The following CFAP210 variants were observed in gnomAD, a reference collection of about 807,000 sequenced individuals.
CFAP210 encodes cilia and flagella associated protein 210.
At chr2:169,662,942 C>T in the CFAP210 span, among the ~76,000 whole-genome samples, 1 of 152,218 alleles carries the variant, frequency 6.6e-6, no homozygotes, top group East Asian at 1.9e-4. Flanking sequence ...TTGTGAGCCT[C>T]CCTGGCTATC....
chr2:169,691,227 G>A, the CFAP210 span, among the ~76,000 whole-genome samples: 1 of 151,804 alleles, frequency 6.6e-6, no homozygotes, highest in Non-Finnish European at 1.5e-5. Flanking sequence ...TTCAGTTATT[G>A]TGCTTTTCAA....
chr2:169,656,387 A>ATGAAGT, the CFAP210 span, among the ~76,000 whole-genome samples: 1 of 149,528 alleles, frequency 6.7e-6, no homozygotes, highest in Non-Finnish European at 1.5e-5. Flanking sequence ...AAAGAGGAGG[A>ATGAAGT]AGAGGAGGAG....
At chr2:169,650,607 T>C in the CFAP210 span, 4 of 1,354,256 alleles carry the variant, frequency 3.0e-6, no homozygotes, top group Middle Eastern at 2.6e-4. Flanking sequence ...ATCTGAGATA[T>C]TTTGCAGTCT....
At chr2:169,670,066 C>CT in the CFAP210 span, among the ~76,000 whole-genome samples, 5 of 151,798 alleles carry the variant, frequency 3.3e-5, no homozygotes, top group East Asian at 7.7e-4. Context: ...ACCATTTTTT[C>CT]TTTTTTTGTG....
At chr2:169,661,069 G>T in the CFAP210 span, 1 of 534,140 alleles carries the variant, frequency 1.9e-6, no homozygotes. Context: ...ATGCTGGGTG[G>T]GAGAATATGG....
chr2:169,677,554 T>C, the CFAP210 span, among the ~76,000 whole-genome samples: 1 of 152,214 alleles, frequency 6.6e-6, no homozygotes, highest in African/African-American at 2.4e-5. Flanking sequence ...AATTTCGATA[T>C]AGAAGGCAAC....
the CFAP210 span, chr2:169,645,647 A>G: frequency 1.8e-6 from 1 of 545,450 alleles, no homozygotes; most frequent in South Asian, 2.5e-5. Context: ...AAACTTGTGT[A>G]TTTTACCACA....
chr2:169,681,144 C>T, the CFAP210 span: 4 of 1,613,524 alleles, frequency 2.5e-6, no homozygotes, highest in South Asian at 2.2e-5. Flanking sequence ...TTCCACTCAT[C>T]GTGTGGAATT....
chr2:169,689,161 T>A, the CFAP210 span, among the ~76,000 whole-genome samples: 61,975 of 152,026 alleles, frequency 0.41, 12,915 homozygotes, highest in Non-Finnish European at 0.44. Flanking sequence ...CATGATTCAA[T>A]TATCTCCCCC....
At chr2:169,672,535 A>G in the CFAP210 span, among the ~76,000 whole-genome samples, 152,157 of 152,344 alleles carry the variant, frequency 1, 75,986 homozygotes, top group Middle Eastern at 1. Context: ...CCAAAGGCCC[A>G]AGAGCCCCCA....
the CFAP210 span, chr2:169,650,641 A>G: frequency 4.2e-6 from 5 of 1,193,644 alleles, no homozygotes; most frequent in Non-Finnish European, 5.5e-6. Flanking sequence ...CAGGAGCCCC[A>G]TTGCTCCTTA....
chr2:169,661,812 T>A, the CFAP210 span, among the ~76,000 whole-genome samples: 1 of 152,222 alleles, frequency 6.6e-6, no homozygotes, highest in East Asian at 1.9e-4. Context: ...CACTTTTTTT[T>A]AAATATTAAA....
At chr2:169,645,635 G>A in the CFAP210 span, 1 of 521,430 alleles carries the variant, frequency 1.9e-6, no homozygotes, top group Non-Finnish European at 3.4e-6. Context: ...CATTTAAAAA[G>A]TAAACTTGTG....
chr2:169,668,333 G>T, the CFAP210 span, among the ~76,000 whole-genome samples: 1 of 152,168 alleles, frequency 6.6e-6, no homozygotes, highest in South Asian at 2.1e-4. Flanking sequence ...GGGCTGGTTT[G>T]AGCTTCTATC....
At chr2:169,650,456 T>C in the CFAP210 span, 4 of 1,605,884 alleles carry the variant, frequency 2.5e-6, no homozygotes, top group Non-Finnish European at 3.4e-6. Context: ...ATCTTCATTG[T>C]CAAGTTTCTC....
the CFAP210 span, among the ~76,000 whole-genome samples, chr2:169,687,537 A>G: frequency 6.6e-6 from 1 of 152,194 alleles, no homozygotes; most frequent in Non-Finnish European, 1.5e-5. Context: ...AAGCTCCAAA[A>G]TGATCTCCTT....
At chr2:169,679,728 CTTT>C in the CFAP210 span, among the ~76,000 whole-genome samples, 1 of 145,094 alleles carries the variant, frequency 6.9e-6, no homozygotes, top group African/African-American at 2.5e-5. Context: ...CTGTTACCTT[CTTT>C]GTGTCCATGT....
At chr2:169,667,616 GACGTT>G in the CFAP210 span, among the ~76,000 whole-genome samples, 5 of 152,032 alleles carry the variant, frequency 3.3e-5, no homozygotes, top group African/African-American at 4.8e-5. Context: ...CTGCAGAATG[GACGTT>G]ATGTTAACAG....
chr2:169,673,701 G>A, the CFAP210 span, among the ~76,000 whole-genome samples: 5 of 151,978 alleles, frequency 3.3e-5, no homozygotes, highest in South Asian at 2.1e-4. Flanking sequence ...AGTCTGTGTC[G>A]CCAGATCAAT....
Sources: allele counts gnomAD v4.1 joint callset (sites outside exome capture counted in the v4.1 genomes callset), GRCh38; gene constraint gnomAD v4.1.1; transcripts MANE v1.5; gene names NCBI Gene and HGNC (gene_info 2026-07-23, HGNC 2026-07-21).